Variants in NBL1 observed in about 807,000 individuals in gnomAD.
NBL1 encodes NBL1, DAN family BMP antagonist, also known as neuroblastoma suppressor of tumorigenicity 1.
In NBL1, 9 loss-of-function variants were observed where a neutral mutation model predicts 16.0. That is an observed-to-expected ratio of 0.56 (90% CI 0.34 to 0.98). The LOEUF (loss-of-function observed/expected upper bound fraction) is 0.98. Ranked by LOEUF, NBL1 falls within the 50% of genes least tolerant of loss-of-function variation. The probability of loss-of-function intolerance (pLI) is 0.02; values close to 1 mark genes in which losing one functional copy is unlikely to be tolerated. For missense variants in NBL1, 196 were observed against 243.1 expected, an observed-to-expected ratio of 0.81 and a Z score of 1.29; for synonymous variants, 86 against 100.7, an observed-to-expected ratio of 0.85 and a Z score of 0.87.
chr1:19,647,832 C>T (rs932581701), intron 1 of NBL1, among the ~76,000 whole-genome samples: 27 of 151,398 alleles, frequency 1.8e-4, no homozygotes, highest in African/African-American at 5.1e-4. Flanking sequence ...TTGCTGGAAC[C>T]GGTAACAGGA....
Position 19,644,556 on chromosome 1 carries a change from C to CCGCGGGCACCGGGTGGAGG in NBL1, c.-20+114_-20+132dup, listed in dbSNP as rs1221887239. The CCGCGGGCACCGGGTGGAGG allele has an allele frequency of 2.0e-3, 1,240 of 628,840 alleles. 13 individuals are homozygous for CCGCGGGCACCGGGTGGAGG. The African/African-American group carries it at 0.022, about 11-fold the overall frequency. 39.0% of individuals were successfully genotyped at this position (628,840 alleles called of 1,614,324 possible). ...CTGCGTCCCCCGGCGCGTCCGGCGG[C>CCGCGGGCACCGGGTGGAGG]CGCGGGCACCGGGTGGAGGCGCCGC... On this transcript the variant is annotated intron_variant, in intron 1 of 3. Transcript: ENST00000375136. This position sits in a 1 kb window ranked among gnomAD's most constrained non-coding sequence, Gnocchi z 4.6.
At chr1:19,643,481 G>C, upstream of NBL1, 1 of 1,575,238 alleles carries the variant, frequency 6.3e-7, no homozygotes, top group African/African-American at 1.3e-5. This position sits in a 1 kb window ranked among gnomAD's most constrained non-coding sequence, Gnocchi z 4.7. Context: ...CAGAAGCAAA[G>C]TTATTTTCTC....
At chr1:19,654,862 A>G in intron 1 of NBL1, 150 bp from the exon 2 acceptor site, 1 of 987,982 alleles carries the variant, frequency 1.0e-6, no homozygotes, top group Non-Finnish European at 1.4e-6. Flanking sequence ...TTCAGAGGGG[A>G]GAAATAACTT....
In NBL1 at chr1:19,655,041, G is replaced by T; in HGVS notation, c.11G>T (p.Arg4Leu). Residue 4 changes from arginine (R) to leucine (L), a missense_variant, in exon 2 of 4, where the codon CGG becomes CTG. Arg to Leu is a moderately radical substitution (Grantham distance 102). Transcript: ENST00000375136. Reference sequence around the variant, plus strand: ...CTGGAGGCCACGGGCATGATGCTTCGGGTCCTGGTGGGGGCTGTCCTCCCT... The same window carrying T: ...CTGGAGGCCACGGGCATGATGCTTCTGGTCCTGGTGGGGGCTGTCCTCCCT... Reference protein sequence around the residue: MMLRVLVGAVLPAM... With the variant: MMLLVLVGAVLPAM... 1 of 1,609,030 alleles carries T rather than the reference G, an allele frequency of 6.2e-7. No individual in the cohort carries two copies. The highest frequency in any genetic ancestry group is 8.5e-7 in the Non-Finnish European group (1 of 1,178,618).
At chr1:19,646,118 G>A in intron 1 of NBL1, 3 of 1,478,214 alleles carry the variant, frequency 2.0e-6, no homozygotes, top group South Asian at 2.5e-5. Flanking sequence ...GTGGCACGGG[G>A]TCGGCCCTGT....
In NBL1 at chr1:19,657,856, A is replaced by C. The variant is rs1192646268; in HGVS notation, c.*727A>C. ...GGAAGAGTCTTCCAAGGCCAGAAGG[A>C]GGGGGACAACCCCCCAAGACCATCC... On this transcript the variant is annotated 3_prime_UTR_variant, in exon 4 of 4. Transcript: ENST00000375136. 6.5e-6 allele frequency: 1 copy of C among 152,740 alleles called. No homozygotes were observed. Among genetic ancestry groups the C allele is most frequent in the East Asian group, 1.9e-4 (1 of 5,198 alleles). The allele number at this position is 152,740 out of a possible 1,614,324, so 9.5% of individuals were successfully genotyped here. A position where few individuals can be genotyped will look rare whatever the true frequency, so the allele number is the denominator to read the frequency against.
At position 19,657,481 on chromosome 1, in the gene NBL1, G is replaced by C. The variant is rs1570574057; in HGVS notation, c.*352G>C. On this transcript the variant is annotated 3_prime_UTR_variant, in exon 4 of 4. Transcript: ENST00000375136. Reference sequence around the variant, plus strand: ...GAGGCCATCCAAGATGGCATGAATCGGGCTAAGGTCCCTGGGGGTGCAGAT... The same window carrying C: ...GAGGCCATCCAAGATGGCATGAATCCGGCTAAGGTCCCTGGGGGTGCAGAT... The C allele has an allele frequency of 6.0e-6, 1 of 166,122 alleles. No homozygotes were observed. Among genetic ancestry groups the C allele is most frequent in the African/African-American group, 2.4e-5 (1 of 41,912 alleles). The allele number at this position is 166,122 out of a possible 1,614,324, so 10.3% of individuals were successfully genotyped here.
chr1:19,643,574 G>T (rs1288178798), upstream of NBL1: 2 of 1,413,114 alleles, frequency 1.4e-6, no homozygotes, highest in Admixed American at 5.7e-5. This position sits in a 1 kb window ranked among gnomAD's most constrained non-coding sequence, Gnocchi z 4.7. Context: ...AACCCCCGAG[G>T]TGAGGCTGGA....
chr1:19,648,694 T>C (rs971798053), intron 1 of NBL1, among the ~76,000 whole-genome samples: 1 of 150,550 alleles, frequency 6.6e-6, no homozygotes, highest in Non-Finnish European at 1.5e-5. Context: ...GAATTTCCTT[T>C]CTGTGTGGGC....
chr1:19,648,174 C>T (rs1022250213), intron 1 of NBL1, among the ~76,000 whole-genome samples: 13 of 152,134 alleles, frequency 8.5e-5, no homozygotes, highest in Non-Finnish European at 1.6e-4. Flanking sequence ...CAAAGGGTTT[C>T]ACGGTGGGCG....
upstream of NBL1, chr1:19,643,750 C>G: frequency 9.5e-7 from 1 of 1,057,116 alleles, no homozygotes; most frequent in African/African-American, 1.7e-5. This position sits in a 1 kb window ranked among gnomAD's most constrained non-coding sequence, Gnocchi z 4.7. Flanking sequence ...GCAACCCAGG[C>G]TACCAACAGC....
At chr1:19,646,332 G>C (rs3828100) in intron 1 of NBL1, among the ~76,000 whole-genome samples, 1 of 152,140 alleles carries the variant, frequency 6.6e-6, no homozygotes. Flanking sequence ...TGAAGCTGAG[G>C]GGGGAAGCAA....
chr1:19,645,395 G>A, intron 1 of NBL1: 2 of 986,670 alleles, frequency 2.0e-6, no homozygotes, highest in Non-Finnish European at 2.4e-6. Context: ...GGCAAAGGGG[G>A]CAGCCGCCTG....
At chr1:19,645,809 C>G in intron 1 of NBL1, 1 of 1,455,300 alleles carries the variant, frequency 6.9e-7, no homozygotes, top group Non-Finnish European at 9.1e-7. Flanking sequence ...TCTGCATCGG[C>G]CAGGGATATC....
At chr1:19,649,279 C>G (rs532563346) in intron 1 of NBL1, among the ~76,000 whole-genome samples, 1 of 152,214 alleles carries the variant, frequency 6.6e-6, no homozygotes, top group South Asian at 2.1e-4. Context: ...TATCATAGGA[C>G]AGAATAAATT....
At chr1:19,644,301 G>T, upstream of NBL1, 1 of 978,936 alleles carries the variant, frequency 1.0e-6, no homozygotes, top group South Asian at 4.7e-5. The surrounding 1 kb of genome is among the most constrained non-coding windows in gnomAD (Gnocchi z 4.6). Flanking sequence ...CCGCGCGCCC[G>T]CCCGGGGCCG....
At chr1:19,643,670 G>T (rs1394527700), upstream of NBL1, 1 of 1,230,018 alleles carries the variant, frequency 8.1e-7, no homozygotes, top group Non-Finnish European at 1.0e-6. This position sits in a 1 kb window ranked among gnomAD's most constrained non-coding sequence, Gnocchi z 4.7. Flanking sequence ...AGTCCCTGGG[G>T]CTTTTCGGGA....
At chr1:19,648,448 C>G (rs1436241842) in intron 1 of NBL1, among the ~76,000 whole-genome samples, 1 of 152,174 alleles carries the variant, frequency 6.6e-6, no homozygotes, top group African/African-American at 2.4e-5. Flanking sequence ...GGGCCGGGCC[C>G]CGGCGTCTCA....
chr1:19,643,505 GCA>G, upstream of NBL1: 1 of 1,530,708 alleles, frequency 6.5e-7, no homozygotes, highest in Non-Finnish European at 8.8e-7. The surrounding 1 kb of genome is among the most constrained non-coding windows in gnomAD (Gnocchi z 4.7). Flanking sequence ...CCGTTGTTAA[GCA>G]CACAGAATAG....
Sources: gnomAD v4.1 joint callset for allele counts (sites outside exome capture counted in the v4.1 genomes callset) on GRCh38, gnomAD v4.1.1 for gene constraint, Gnocchi (gnomAD v3.1) non-coding constraint, MANE v1.5 for transcripts, NCBI Gene and HGNC (gene_info 2026-07-23, HGNC 2026-07-21) for gene names.